LIPA: variants seen among roughly 807,000 people sequenced by gnomAD.
LIPA encodes the protein lipase A, lysosomal acid type.
A neutral mutation model predicts 40.6 loss-of-function variants in LIPA; 26 were observed. The ratio of observed to expected loss-of-function variants is 0.64; its 90% CI spans 0.47 to 0.89. The LOEUF is 0.89. Among genes scored for constraint, LIPA ranks in the 40% least tolerant of loss-of-function variants. The probability of loss-of-function intolerance (pLI) is 0.00; values close to 1 mark genes in which losing one functional copy is unlikely to be tolerated. For missense variants in LIPA, 455 were observed against 479.6 expected (o/e 0.95, Z 0.48); for synonymous variants, 188 against 168.4 (o/e 1.12, Z -0.90).
chr10:89,219,745 C>T (rs1842672989), intron 8 of LIPA, among the ~76,000 whole-genome samples: 1 of 152,174 alleles, frequency 6.6e-6, no homozygotes, highest in African/African-American at 2.4e-5. Flanking sequence ...CAGCCCCTGG[C>T]CAACAGCCCA....
At chr10:89,336,296 C>T (rs1005316627) in intron 1 of LIPA, among the ~76,000 whole-genome samples, 2 of 152,064 alleles carry the variant, frequency 1.3e-5, no homozygotes, top group Non-Finnish European at 2.9e-5. Flanking sequence ...GACACTGGAA[C>T]CCTAGACAGG....
intron 1 of LIPA, chr10:89,308,430 T>C (rs1843496988): frequency 6.6e-6 from 1 of 152,152 alleles, no homozygotes; most frequent in Admixed American, 6.5e-5. Context: ...AAGGGCCTGG[T>C]GCAAGGACTT....
At chr10:89,411,176 T>C (rs1273059317) in intron 2 of LIPA, among the ~76,000 whole-genome samples, 1 of 152,056 alleles carries the variant, frequency 6.6e-6, no homozygotes, top group Non-Finnish European at 1.5e-5. Context: ...ACCCAGCAGG[T>C]TTCCTAACAG....
chr10:89,392,330 A>G (rs954178712), intron 2 of LIPA, among the ~76,000 whole-genome samples: 1 of 152,212 alleles, frequency 6.6e-6, no homozygotes, highest in East Asian at 1.9e-4. Flanking sequence ...AATAGGCAGC[A>G]ATGGACTGAT....
chr10:89,215,907 C>G, intron 9 of LIPA, 31 bp downstream of exon 9: 1 of 1,401,056 alleles, frequency 7.1e-7, no homozygotes, highest in Non-Finnish European at 1.0e-6. Flanking sequence ...GTTTTCAGGG[C>G]CCCCTTTAAT....
At chr10:89,362,007 T>A in intron 2 of LIPA, among the ~76,000 whole-genome samples, 1 of 146,038 alleles carries the variant, frequency 6.8e-6, no homozygotes, top group Non-Finnish European at 1.5e-5. Context: ...CAAGCAATCC[T>A]CCTACCTCAG....
At chr10:89,334,329 C>T (rs999346356) in intron 1 of LIPA, among the ~76,000 whole-genome samples, 28 of 151,834 alleles carry the variant, frequency 1.8e-4, no homozygotes, top group Non-Finnish European at 3.4e-4. Flanking sequence ...GTCTGCAATC[C>T]GAGGTCATGG....
intron 2 of LIPA, chr10:89,392,712 C>G: frequency 6.2e-7 from 1 of 1,614,006 alleles, no homozygotes; most frequent in Non-Finnish European, 8.5e-7. Context: ...TTACAGCAAC[C>G]ATGAGGTAAG....
chr10:89,309,506 C>T (rs1843503917), intron 1 of LIPA, among the ~76,000 whole-genome samples: 1 of 152,162 alleles, frequency 6.6e-6, no homozygotes, highest in Admixed American at 6.5e-5. Context: ...ATTAGGACTA[C>T]ATCTGGTGCC....
At chr10:89,318,898 G>A (rs575879024) in intron 1 of LIPA, among the ~76,000 whole-genome samples, 1 of 152,136 alleles carries the variant, frequency 6.6e-6, no homozygotes. Flanking sequence ...TAGAACTCAG[G>A]ATTAAGAAAC....
intron 2 of LIPA, chr10:89,402,820 C>A: frequency 6.2e-7 from 1 of 1,614,176 alleles, no homozygotes; most frequent in Non-Finnish European, 8.5e-7. Flanking sequence ...GCTGGGTATG[C>A]GATCTCTGCC....
At chr10:89,394,156 C>CCTGTGCAGCATGTTA (rs147997420) in intron 2 of LIPA, among the ~76,000 whole-genome samples, 37,897 of 151,716 alleles carry the variant, frequency 0.25, 4,954 homozygotes, top group Middle Eastern at 0.28. Context: ...AGGCTATAAA[C>CCTGTGCAGCATGTTA]CTGTGCAGCA....
intron 1 of LIPA, among the ~76,000 whole-genome samples, chr10:89,298,560 G>A (rs571862716): frequency 6.6e-6 from 1 of 152,246 alleles, no homozygotes; most frequent in African/African-American, 2.4e-5. Context: ...TGAAAGAAGT[G>A]ACTATTATAT....
At chr10:89,369,674 CTA>C (rs1408476259) in intron 2 of LIPA, among the ~76,000 whole-genome samples, 1 of 152,152 alleles carries the variant, frequency 6.6e-6, no homozygotes. Flanking sequence ...GAAGTGTTTC[CTA>C]TATAGAGGTA....
At chr10:89,324,747 G>A (rs971194340) in intron 1 of LIPA, among the ~76,000 whole-genome samples, 2 of 152,032 alleles carry the variant, frequency 1.3e-5, no homozygotes, top group African/African-American at 2.4e-5. Context: ...ACATGCATGC[G>A]GCCAATAAGA....
Position 89,214,804 on chromosome 10 carries a change from TG to T in LIPA, c.*23del. 1 of 1,301,946 alleles carries T rather than the reference TG, an allele frequency of 7.7e-7. No individual in the cohort carries two copies. Among genetic ancestry groups the T allele is most frequent in the Admixed American group, 1.7e-5 (1 of 59,544 alleles). 80.6% of individuals were successfully genotyped at this position (1,301,946 alleles called of 1,614,324 possible). ...TCACATGACATAATCATTGACTTGGTGGTACACAGCTCAAGTCCAGCTTTCA... is the reference window on the plus strand; with the variant it reads ...TCACATGACATAATCATTGACTTGGTGTACACAGCTCAAGTCCAGCTTTCA... On this transcript the variant is annotated 3_prime_UTR_variant, in exon 10 of 10. Coordinates refer to ENST00000336233, the MANE Select transcript of LIPA (RefSeq NM_000235.4).
At chr10:89,265,605 T>C (rs1311903343) in intron 1 of LIPA, among the ~76,000 whole-genome samples, 1 of 152,242 alleles carries the variant, frequency 6.6e-6, no homozygotes, top group East Asian at 1.9e-4. Context: ...AAAATGTTGT[T>C]CATAGGGTCA....
chr10:89,244,671 A>G (rs918851808), intron 3 of LIPA, among the ~76,000 whole-genome samples: 2 of 152,202 alleles, frequency 1.3e-5, no homozygotes, highest in Non-Finnish European at 2.9e-5. Flanking sequence ...AATAATTTCA[A>G]TCAGTCTGTC....
chr10:89,391,052 G>T (rs1251456408), intron 2 of LIPA, among the ~76,000 whole-genome samples: 5 of 152,186 alleles, frequency 3.3e-5, no homozygotes, highest in Non-Finnish European at 5.9e-5. Flanking sequence ...AGCTGACATG[G>T]GAGATGAGTC....
Sources: allele counts gnomAD v4.1 joint callset (sites outside exome capture counted in the v4.1 genomes callset), GRCh38; gene constraint gnomAD v4.1.1; transcripts MANE v1.5; gene names NCBI Gene and HGNC (gene_info 2026-07-23, HGNC 2026-07-21).